The following SAE1 variants were observed in gnomAD, a reference collection of about 807,000 sequenced individuals.
SAE1 encodes SUMO1 activating enzyme subunit 1.
A neutral mutation model predicts 40.6 loss-of-function variants in SAE1; 11 were observed. That is an observed-to-expected ratio of 0.27 (90% CI 0.17 to 0.45). The LOEUF (loss-of-function observed/expected upper bound fraction) is 0.45. Ranked by LOEUF, SAE1 falls within the 20% of genes least tolerant of loss-of-function variation. SAE1 has a pLI of 1.00. For synonymous variants in SAE1, 155 were observed against 154.3 expected (o/e 1.00, Z -0.03); for missense variants, 373 against 427.3 (o/e 0.87, Z 1.12).
In SAE1 at chr19:47,182,496, T is replaced by TGTGTGTGTGTGTGCGC. The variant is rs143321323; in HGVS notation, c.733+12574_733+12575insTGTGTGTGTGTGCGCG. On this transcript the variant is annotated intron_variant, in intron 6 of 8. Coordinates refer to ENST00000270225, the MANE Select transcript of SAE1 (RefSeq NM_005500.3). Reference sequence around the variant, plus strand: ...GTGTGTGTGTGTGTGTGTGTGTGTGTGCGCGCACGCACGCGCGCGCGCACA... The same window carrying TGTGTGTGTGTGTGCGC: ...GTGTGTGTGTGTGTGTGTGTGTGTGTGTGTGTGTGTGTGCGCGCGCGCACGCACGCGCGCGCGCACA... Among the ~76,000 whole-genome samples, 390 of 146,020 alleles carry TGTGTGTGTGTGTGCGC rather than the reference T, an allele frequency of 2.7e-3. 2 individuals carry two copies. The highest frequency in any genetic ancestry group is 9.4e-3 in the African/African-American group (362 of 38,688).
At chr19:47,170,550 A>G (rs1297221205) in intron 6 of SAE1, among the ~76,000 whole-genome samples, 1 of 113,734 alleles carries the variant, frequency 8.8e-6, no homozygotes, top group African/African-American at 3.4e-5. Context: ...TCTGTCACCC[A>G]GGCTGGAATG....
intron 1 of SAE1, among the ~76,000 whole-genome samples, chr19:47,137,962 C>T (rs928973122): frequency 1.3e-5 from 2 of 152,092 alleles, no homozygotes; most frequent in Non-Finnish European, 2.9e-5. Context: ...CTCCTCACTT[C>T]AAGTGATCTG....
In SAE1 at chr19:47,169,518, T is replaced by C. The variant is rs527900416; in HGVS notation, c.628-300T>C. ...GCCTCGGTCTCCAAAGTGTTGGGATTACAGGTGTGACCCACCGCGCCTGGC... is the reference window on the plus strand; with the variant it reads ...GCCTCGGTCTCCAAAGTGTTGGGATCACAGGTGTGACCCACCGCGCCTGGC... On this transcript the variant is annotated intron_variant, in intron 5 of 8. Coordinates refer to ENST00000270225, the MANE Select transcript of SAE1 (RefSeq NM_005500.3). Among the ~76,000 whole-genome samples, 240 of 152,260 alleles carry C rather than the reference T, an allele frequency of 1.6e-3. 2 individuals are homozygous for C. Among genetic ancestry groups the C allele is most frequent in the African/African-American group, 5.7e-3 (235 of 41,542 alleles).
Position 47,150,321 on chromosome 19 carries a change from G to A in SAE1, c.330G>A (p.Val110=). ...TCAACCCCATGGTGGATGTGAAGGT[G>A]GACACTGAGGATATAGAGAAGAAAC... ...QNLNPMVDVK[V]DTEDIEKKPE... Residue 110 remains valine, a synonymous_variant, in exon 3 of 9, where the codon GTG becomes GTA. Coordinates refer to ENST00000270225, the MANE Select transcript of SAE1 (RefSeq NM_005500.3). The A allele has an allele frequency of 6.2e-7, 1 of 1,613,334 alleles. No homozygotes were observed. The highest frequency in any genetic ancestry group is 8.5e-7 in the Non-Finnish European group (1 of 1,179,672).
intron 5 of SAE1, among the ~76,000 whole-genome samples, chr19:47,168,603 T>G (rs768531956): frequency 2.6e-5 from 4 of 151,718 alleles, no homozygotes; most frequent in Non-Finnish European, 5.9e-5. Context: ...CATAAATGTG[T>G]TGTTGTTGTT....
At chr19:47,172,732 A>G (rs1021984701) in intron 6 of SAE1, among the ~76,000 whole-genome samples, 6 of 151,890 alleles carry the variant, frequency 4.0e-5, no homozygotes, top group Admixed American at 6.6e-5. Flanking sequence ...AGTCAATCAC[A>G]GATCATCTAC....
At position 47,196,330 on chromosome 19, in the gene SAE1, T is replaced by TG. The variant is rs1371510577; in HGVS notation, c.734-901dup. Among the ~76,000 whole-genome samples, 168 of 85,776 alleles carry TG rather than the reference T, an allele frequency of 2.0e-3. 2 individuals are homozygous for TG. Among genetic ancestry groups the TG allele is most frequent in the Non-Finnish European group, 2.4e-3 (110 of 46,052 alleles). 56.3% of individuals were successfully genotyped at this position (85,776 alleles called of 152,430 possible). On this transcript the variant is annotated intron_variant, in intron 6 of 8. Transcript: ENST00000270225. The stretch of plus-strand genomic sequence containing the variant: ...GATTACAGGCGTGAGCCACCGCGCC[T>TG]GGCTTTTTTTTTTTTTTTTTTTTTT...
intron 6 of SAE1, among the ~76,000 whole-genome samples, chr19:47,171,041 C>T (rs2058428286): frequency 6.6e-6 from 1 of 152,008 alleles, no homozygotes; most frequent in Non-Finnish European, 1.5e-5. Context: ...GTGGTGTGAT[C>T]TTGGCTCACT....
At chr19:47,185,050 C>T (rs1028153374) in intron 6 of SAE1, among the ~76,000 whole-genome samples, 1 of 151,948 alleles carries the variant, frequency 6.6e-6, no homozygotes, top group Non-Finnish European at 1.5e-5. Flanking sequence ...GAACTCCTGA[C>T]CTCGGGTGAT....
intron 6 of SAE1, among the ~76,000 whole-genome samples, chr19:47,182,176 C>T (rs1400381849): frequency 2.0e-5 from 3 of 152,066 alleles, no homozygotes; most frequent in East Asian, 3.9e-4. Flanking sequence ...TTTTAAATGA[C>T]GTTGTCTTTG....
rs1364147901 is a variant in SAE1 at position 47,158,880 on chromosome 19, G to T, written c.627+3667G>T. Among the ~76,000 whole-genome samples the T allele has an allele frequency of 3.3e-5, 5 of 152,328 alleles. No individual in the cohort carries two copies. The East Asian group carries it at 9.6e-4, about 29-fold the overall frequency. On this transcript the variant is annotated intron_variant, in intron 5 of 8. Coordinates refer to ENST00000270225, the MANE Select transcript of SAE1 (RefSeq NM_005500.3). ...GCTCACCCTATGATTTACAAAGAGG[G>T]ATACCCCTGAAGTTGCTAGGGTAAC...
chr19:47,171,695 C>T (rs900923217), intron 6 of SAE1, among the ~76,000 whole-genome samples: 1 of 151,986 alleles, frequency 6.6e-6, no homozygotes, highest in African/African-American at 2.4e-5. Context: ...AACTCCTGAC[C>T]TCAGGTGATC....
At chr19:47,141,868 C>G (rs751168373) in intron 1 of SAE1, among the ~76,000 whole-genome samples, 5 of 151,980 alleles carry the variant, frequency 3.3e-5, no homozygotes, top group Non-Finnish European at 7.4e-5. Context: ...TGATGCAGCC[C>G]AAGATCTTGA....
At chr19:47,169,678 T>C (rs2058418447) in intron 5 of SAE1, 140 bp from the exon 6 acceptor site, 2 of 675,446 alleles carry the variant, frequency 3.0e-6, no homozygotes, top group Non-Finnish European at 5.3e-6. Flanking sequence ...TAAGCATTTC[T>C]TGGATCAAAT....
At chr19:47,179,192 CAAA>C (rs1227213780) in intron 6 of SAE1, among the ~76,000 whole-genome samples, 8 of 72,270 alleles carry the variant, frequency 1.1e-4, no homozygotes, top group Admixed American at 1.6e-4. Context: ...GCTCTGTCTC[CAAA>C]AAAAAAAAAA....
intron 6 of SAE1, among the ~76,000 whole-genome samples, chr19:47,175,719 A>G (rs924481571): frequency 6.6e-6 from 1 of 152,240 alleles, no homozygotes; most frequent in African/African-American, 2.4e-5. Context: ...CCTGGGCAAC[A>G]GAACGAGACT....
chr19:47,177,896 C>T (rs978995263), intron 6 of SAE1, among the ~76,000 whole-genome samples: 1 of 151,986 alleles, frequency 6.6e-6, no homozygotes, highest in Non-Finnish European at 1.5e-5. Context: ...GGCTGAGCCT[C>T]GGAGGGGACT....
chr19:47,131,236 G>A, intron 1 of SAE1: 4 of 1,285,666 alleles, frequency 3.1e-6, no homozygotes, highest in Non-Finnish European at 4.0e-6. Flanking sequence ...GGGCCGTTCC[G>A]AAGGATGGGA....
chr19:47,180,736 T>A (rs2058500567), intron 6 of SAE1, among the ~76,000 whole-genome samples: 1 of 151,988 alleles, frequency 6.6e-6, no homozygotes, highest in South Asian at 2.1e-4. Context: ...GATGGGAGGA[T>A]CGGTTGAGCG....
Sources: gnomAD v4.1 joint callset for allele counts (sites outside exome capture counted in the v4.1 genomes callset) on GRCh38, gnomAD v4.1.1 for gene constraint, MANE v1.5 for transcripts, NCBI Gene and HGNC (gene_info 2026-07-23, HGNC 2026-07-21) for gene names.